The following KCNMA1 variants were observed in gnomAD, a reference collection of about 807,000 sequenced individuals.
KCNMA1 encodes the protein Calcium-activated potassium channel subunit alpha-1.
KCNMA1 carries 29 observed loss-of-function variants against 140.0 expected under a neutral mutation model. That is an observed-to-expected ratio of 0.21 (90% CI 0.15 to 0.28). KCNMA1 has a LOEUF of 0.28. Ranked by LOEUF, KCNMA1 falls within the 10% of genes least tolerant of loss-of-function variation. The probability of loss-of-function intolerance (pLI) is 1.00; values close to 1 mark genes in which losing one functional copy is unlikely to be tolerated. For synonymous variants in KCNMA1, 612 were observed against 611.9 expected (o/e 1.00, Z 0.00); for missense variants, 880 against 1,602.2 (o/e 0.55, Z 7.70).
At chr10:76,995,820 G>T in intron 19 of KCNMA1, 2 of 391,118 alleles carry the variant, frequency 5.1e-6, no homozygotes, top group Non-Finnish European at 1.0e-5. Context: ...TTAAAGAGCC[G>T]AGTCATTTAT....
chr10:77,384,205 G>A (rs758643666), intron 2 of KCNMA1, among the ~76,000 whole-genome samples: 1 of 152,224 alleles, frequency 6.6e-6, no homozygotes, highest in Non-Finnish European at 1.5e-5. Context: ...TCACCCAGCT[G>A]TGATTTCATC....
chr10:76,938,550 CCT>C (rs2061158041), intron 23 of KCNMA1, among the ~76,000 whole-genome samples: 1 of 152,202 alleles, frequency 6.6e-6, no homozygotes, highest in Admixed American at 6.5e-5. Flanking sequence ...GATCCATCTC[CCT>C]AAAGCTCAGG....
At chr10:77,567,408 C>T (rs2068739914) in intron 1 of KCNMA1, among the ~76,000 whole-genome samples, 1 of 152,224 alleles carries the variant, frequency 6.6e-6, no homozygotes, top group South Asian at 2.1e-4. Context: ...CAGCCTCCTC[C>T]ATGGGCTTCC....
chr10:77,293,633 G>A (rs541876762), intron 2 of KCNMA1, among the ~76,000 whole-genome samples: 58 of 152,342 alleles, frequency 3.8e-4, no homozygotes, highest in Admixed American at 7.2e-4. Flanking sequence ...TGCAGACACT[G>A]TATCAGAACC....
chr10:76,907,161 T>C (rs2048136469), intron 25 of KCNMA1, among the ~76,000 whole-genome samples: 2 of 152,350 alleles, frequency 1.3e-5, no homozygotes, highest in Non-Finnish European at 2.9e-5. Flanking sequence ...TATCCTAGGC[T>C]AGAATGCAGA....
intron 1 of KCNMA1, among the ~76,000 whole-genome samples, chr10:77,601,353 C>T (rs1293167107): frequency 3.9e-5 from 6 of 152,120 alleles, no homozygotes; most frequent in East Asian, 1.9e-4. Context: ...CATGAAAACA[C>T]GGAGATACAA....
intron 1 of KCNMA1, among the ~76,000 whole-genome samples, chr10:77,605,765 C>T (rs1455371647): frequency 6.6e-6 from 1 of 152,230 alleles, no homozygotes; most frequent in Non-Finnish European, 1.5e-5. Context: ...CTGGCTGATA[C>T]ATGGCAATGA....
At chr10:77,308,927 T>C (rs2078533023) in intron 2 of KCNMA1, among the ~76,000 whole-genome samples, 1 of 152,158 alleles carries the variant, frequency 6.6e-6, no homozygotes, top group Non-Finnish European at 1.5e-5. Flanking sequence ...ACAGCTAAAA[T>C]GGCCGCCAAG....
chr10:77,482,555 T>A (rs1001742185), intron 1 of KCNMA1, among the ~76,000 whole-genome samples: 3 of 152,102 alleles, frequency 2.0e-5, no homozygotes, highest in Non-Finnish European at 4.4e-5. Flanking sequence ...CTTGTCCATC[T>A]CTCTGCCAAC....
At position 77,523,208 on chromosome 10, in the gene KCNMA1, C is replaced by G. The variant is rs547725979; in HGVS notation, c.378+114057G>C. On this transcript the variant is annotated intron_variant, in intron 1 of 27. Coordinates refer to ENST00000286628, the MANE Select transcript of KCNMA1 (RefSeq NM_001161352.2). ...TCTTACTCAACCTTGGACGTGCCCC[C>G]CCCCCTTGCAATCACACCACAGAAC... Among the ~76,000 whole-genome samples, 9 of 149,850 alleles carry G rather than the reference C, an allele frequency of 6.0e-5. No individual in the cohort carries two copies. The East Asian group carries it at 1.6e-3, about 27-fold the overall frequency.
chr10:76,949,512 T>C (rs1051258561), intron 21 of KCNMA1, 146 bp from the exon 22 acceptor site: 2 of 716,346 alleles, frequency 2.8e-6, no homozygotes, highest in African/African-American at 1.7e-5. Flanking sequence ...ATCAATGTTA[T>C]ATACATGCCA....
intron 2 of KCNMA1, among the ~76,000 whole-genome samples, chr10:77,384,317 A>C (rs894581175): frequency 5.5e-4 from 83 of 152,252 alleles, no homozygotes; most frequent in African/African-American, 1.9e-3. Flanking sequence ...ACACATTCCT[A>C]CTTGGAAAGA....
At chr10:77,590,448 G>T (rs1456729381) in intron 1 of KCNMA1, among the ~76,000 whole-genome samples, 1 of 152,200 alleles carries the variant, frequency 6.6e-6, no homozygotes, top group Non-Finnish European at 1.5e-5. Context: ...GCTAAGGCCC[G>T]GTGAGAAATT....
intron 2 of KCNMA1, among the ~76,000 whole-genome samples, chr10:77,266,960 T>C (rs914516986): frequency 1.3e-5 from 2 of 152,142 alleles, no homozygotes; most frequent in African/African-American, 2.4e-5. Context: ...AACCTTACAG[T>C]CTGAAGTAGG....
intron 3 of KCNMA1, among the ~76,000 whole-genome samples, chr10:77,238,360 A>T (rs1565420657): frequency 6.6e-6 from 1 of 152,156 alleles, no homozygotes; most frequent in Non-Finnish European, 1.5e-5. Context: ...GATTGTTTGC[A>T]TCCTGGAATC....
intron 18 of KCNMA1, among the ~76,000 whole-genome samples, chr10:77,010,606 G>T (rs916318190): frequency 1.3e-5 from 2 of 152,074 alleles, no homozygotes; most frequent in African/African-American, 4.8e-5. Flanking sequence ...CCCACCCTGA[G>T]GGGATTTCTG....
At chr10:77,357,675 G>C (rs1392289505) in intron 2 of KCNMA1, among the ~76,000 whole-genome samples, 1 of 152,152 alleles carries the variant, frequency 6.6e-6, no homozygotes, top group African/African-American at 2.4e-5. Context: ...TAAATTAAGA[G>C]AAAAGCTTGT....
intron 3 of KCNMA1, among the ~76,000 whole-genome samples, chr10:77,227,468 G>C (rs1388171573): frequency 2.0e-5 from 3 of 152,178 alleles, no homozygotes; most frequent in African/African-American, 4.8e-5. Context: ...TAGATGGGTA[G>C]CTCCCACCAG....
intron 2 of KCNMA1, among the ~76,000 whole-genome samples, chr10:77,368,635 C>T (rs2094503753): frequency 6.6e-6 from 1 of 152,158 alleles, no homozygotes; most frequent in Admixed American, 6.5e-5. Context: ...AGATTTTCTC[C>T]TATGTGTTTT....
Sources: allele counts gnomAD v4.1 joint callset (sites outside exome capture counted in the v4.1 genomes callset), GRCh38; gene constraint gnomAD v4.1.1; transcripts MANE v1.5; gene names NCBI Gene and HGNC (gene_info 2026-07-23, HGNC 2026-07-21).